Variants in CRYZ observed in about 807,000 individuals in gnomAD.
CRYZ encodes crystallin zeta.
In CRYZ, 35 loss-of-function variants were observed where a neutral mutation model predicts 34.1. That is an observed-to-expected ratio of 1.03 (90% CI 0.78 to 1.36). The LOEUF (loss-of-function observed/expected upper bound fraction) is 1.36. CRYZ is among the 40% of genes most tolerant of loss of function. The pLI is 0.00. For synonymous variants in CRYZ, 137 were observed against 136.5 expected, an observed-to-expected ratio of 1.00 and a Z score of -0.03; for missense variants, 403 against 391.8, an observed-to-expected ratio of 1.03 and a Z score of -0.24.
intron 4 of CRYZ, among the ~76,000 whole-genome samples, chr1:74,717,262 TCTC>T (rs1238402074): frequency 3.3e-5 from 5 of 152,032 alleles, no homozygotes; most frequent in African/African-American, 1.2e-4. Flanking sequence ...TTCCACATAC[TCTC>T]CTCAAGTAAC....
intron 6 of CRYZ, 191 bp from the exon 7 acceptor site, chr1:74,707,395 C>T (rs1646945074): frequency 4.7e-6 from 2 of 421,786 alleles, no homozygotes; most frequent in Admixed American, 4.3e-5. Flanking sequence ...CCAGCCAGAA[C>T]ATCTAAACTG....
At chr1:74,720,441 C>A (rs1256963424) in intron 3 of CRYZ, among the ~76,000 whole-genome samples, 1 of 152,116 alleles carries the variant, frequency 6.6e-6, no homozygotes, top group South Asian at 2.1e-4. Context: ...CTAGGCCAGG[C>A]ATTATTGGGC....
intron 1 of CRYZ, among the ~76,000 whole-genome samples, chr1:74,730,950 A>G (rs1356187440): frequency 1.3e-5 from 2 of 152,228 alleles, no homozygotes; most frequent in Non-Finnish European, 2.9e-5. Flanking sequence ...GCAGAAATAC[A>G]AAGGACATGA....
chr1:74,729,509 G>A lies in CRYZ; in HGVS notation c.-14+3447C>T, dbSNP rs553281579. Reference sequence around the variant, plus strand: ...AAAAAAAAAAAATTATCTAGGTGTGGTGGCAAGCACCAGTGGTCCCAGCTA... The same window carrying A: ...AAAAAAAAAAAATTATCTAGGTGTGATGGCAAGCACCAGTGGTCCCAGCTA... On this transcript the variant is annotated intron_variant, in intron 1 of 8. Transcript: ENST00000340866. Among the ~76,000 whole-genome samples, 289 of 151,702 alleles carry A rather than the reference G, an allele frequency of 1.9e-3. 3 individuals are homozygous for A. The highest frequency in any genetic ancestry group is 6.7e-3 in the African/African-American group (277 of 41,356).
intron 1 of CRYZ, among the ~76,000 whole-genome samples, chr1:74,725,531 A>C (rs1005092623): frequency 2.0e-5 from 3 of 150,270 alleles, no homozygotes; most frequent in African/African-American, 7.4e-5. Context: ...GGTCCCTCCC[A>C]TGACACATGG....
chr1:74,730,980 TA>T (rs202223413), intron 1 of CRYZ, among the ~76,000 whole-genome samples: 30 of 151,748 alleles, frequency 2.0e-4, no homozygotes, highest in East Asian at 1.7e-3. Context: ...TAAAAATGTA[TA>T]AAAAAAAATT....
chr1:74,710,223 C>T lies in CRYZ; in HGVS notation c.505G>A (p.Ala169Thr). ...GGVGLAACQI[A>T]RAYGLKILGT... ...AAAATCTTTAAGCCATAAGCTCTAG[C>T]AATTTGGCATGCTGCTAATCCAACC... is the stretch of plus-strand genomic sequence containing the variant. The change falls in exon 6 of 9, where the codon GCT becomes ACT. Residue 169 changes from alanine to threonine, a missense_variant. Ala to Thr is a moderately conservative substitution (Grantham distance 58). Coordinates refer to ENST00000340866, the MANE Select transcript of CRYZ (RefSeq NM_001889.4). 6.2e-7 allele frequency: 1 copy of T among 1,613,774 alleles called. No homozygotes were observed. Among genetic ancestry groups the T allele is most frequent in the Non-Finnish European group, 8.5e-7 (1 of 1,179,818 alleles).
At position 74,724,767 on chromosome 1, in the gene CRYZ, G is replaced by A; in HGVS notation, c.55C>T (p.Pro19Ser). ...TCTGATCGCAATTTCAGGACTTCTG[G>A]CCCACCAAATTCAAAAACTCTAACA... The part of the protein sequence containing the change: ...RAVRVFEFGG[P>S]EVLKLRSDIA... The change falls in exon 2 of 9, where the codon CCA (proline) becomes TCA (serine). Residue 19 changes from proline to serine, a missense_variant. Coordinates refer to ENST00000340866, the MANE Select transcript of CRYZ (RefSeq NM_001889.4). 1 of 1,613,458 alleles carries A rather than the reference G, an allele frequency of 6.2e-7. No individual in the cohort carries two copies. Among genetic ancestry groups the A allele is most frequent in the Non-Finnish European group, 8.5e-7 (1 of 1,179,732 alleles).
chr1:74,728,855 A>T (rs888220304), intron 1 of CRYZ, among the ~76,000 whole-genome samples: 2 of 152,218 alleles, frequency 1.3e-5, no homozygotes, highest in South Asian at 2.1e-4. Flanking sequence ...GTCCTCGGGG[A>T]AAAACAGAGG....
At chr1:74,721,495 G>A (rs1229774780) in intron 3 of CRYZ, among the ~76,000 whole-genome samples, 1 of 152,142 alleles carries the variant, frequency 6.6e-6, no homozygotes, top group Admixed American at 6.6e-5. Flanking sequence ...GAAAACAGAG[G>A]TGTAAAACAA....
Position 74,711,402 on chromosome 1 carries a change from A to C in CRYZ, c.481-1155T>G, listed in dbSNP as rs372743133. ...CTAGATAAGAGATGAAGCTGGCTTG[A>C]ACAAAGGTGGTGGCACTGGAAAAAA... On this transcript the variant is annotated intron_variant, in intron 5 of 8. Transcript: ENST00000340866. 4.1e-4 allele frequency among the ~76,000 whole-genome samples: 62 copies of C among 152,356 alleles called. 1 individual carries two copies. Among genetic ancestry groups the C allele is most frequent in the African/African-American group, 1.4e-3 (60 of 41,582 alleles).
At chr1:74,719,083 T>C (rs755906558) in intron 4 of CRYZ, 126 bp downstream of exon 4, 19 of 921,622 alleles carry the variant, frequency 2.1e-5, no homozygotes, top group Non-Finnish European at 2.8e-5. Flanking sequence ...ATTATATAAA[T>C]GTTTAATGGT....
chr1:74,710,386 A>G, intron 5 of CRYZ, 139 bp from the exon 6 acceptor site: 1 of 678,328 alleles, frequency 1.5e-6, no homozygotes, highest in Admixed American at 3.0e-5. Flanking sequence ...GAAATAAGAA[A>G]AACAGCTAAC....
At chr1:74,714,485 T>C in intron 5 of CRYZ, 94 bp downstream of exon 5, 2 of 1,251,116 alleles carry the variant, frequency 1.6e-6, no homozygotes, top group South Asian at 1.4e-5. Flanking sequence ...TTGACTCTAT[T>C]TATAAATCTG....
At chr1:74,716,819 CCT>C (rs2100708639) in intron 4 of CRYZ, among the ~76,000 whole-genome samples, 1 of 152,210 alleles carries the variant, frequency 6.6e-6, no homozygotes, top group Admixed American at 6.6e-5. Flanking sequence ...CCCCGCAGCC[CCT>C]GTGCTCTCAT....
intron 1 of CRYZ, among the ~76,000 whole-genome samples, chr1:74,725,171 T>C (rs1246450465): frequency 2.6e-5 from 4 of 152,198 alleles, no homozygotes; most frequent in African/African-American, 9.6e-5. Flanking sequence ...TGAGTTTTAT[T>C]AACATTAGGT....
chr1:74,729,504 G>C (rs1051228030), intron 1 of CRYZ, among the ~76,000 whole-genome samples: 1 of 151,458 alleles, frequency 6.6e-6, no homozygotes, highest in African/African-American at 2.4e-5. Flanking sequence ...AATTATCTAG[G>C]TGTGGTGGCA....
chr1:74,729,989 G>C (rs1050923022), intron 1 of CRYZ, among the ~76,000 whole-genome samples: 9 of 151,958 alleles, frequency 5.9e-5, no homozygotes, highest in African/African-American at 1.9e-4. Flanking sequence ...TACACACATA[G>C]CCTATGAGAT....
chr1:74,706,794 A>G, intron 8 of CRYZ, 105 bp downstream of exon 8: 1 of 897,226 alleles, frequency 1.1e-6, no homozygotes, highest in Non-Finnish European at 1.8e-6. Flanking sequence ...AACTCCCACT[A>G]GTCATATAAC....
Sources: gnomAD v4.1 joint callset for allele counts (sites outside exome capture counted in the v4.1 genomes callset) on GRCh38, gnomAD v4.1.1 for gene constraint, MANE v1.5 for transcripts, NCBI Gene and HGNC (gene_info 2026-07-23, HGNC 2026-07-21) for gene names.